The following TENM2 variants were observed in gnomAD, a reference collection of about 807,000 sequenced individuals.
TENM2 encodes teneurin-2.
In TENM2, 52 loss-of-function variants were observed where a neutral mutation model predicts 245.2. That is an observed-to-expected ratio of 0.21 (90% CI 0.17 to 0.27). The LOEUF is 0.27. Among genes scored for constraint, TENM2 ranks in the 10% least tolerant of loss-of-function variants. The pLI, the probability that TENM2 is intolerant of heterozygous loss-of-function variation, is 1.00. For missense variants in TENM2, 3,046 were observed against 3,666.8 expected (o/e 0.83, Z 4.37); for synonymous variants, 1,363 against 1,438.9 (o/e 0.95, Z 1.19).
the TENM2 span, among the ~76,000 whole-genome samples, chr5:167,106,515 C>G: frequency 6.6e-6 from 1 of 152,178 alleles, no homozygotes; most frequent in Non-Finnish European, 1.5e-5. Flanking sequence ...GATTTGGAAT[C>G]AAAAAGTTTC....
rs776119840 is a variant in TENM2 at position 168,218,298 on chromosome 5, C to T, written c.4407C>T (p.Ala1469=). Reference sequence around the variant, plus strand: ...TTGACTACTCACTCAGCAAACTAGCCATTCACTCTGCCCTGGAGTCAGCCA... The same window carrying T: ...TTGACTACTCACTCAGCAAACTAGCTATTCACTCTGCCCTGGAGTCAGCCA... Residue 1469 remains alanine (A), a synonymous_variant, in exon 23 of 29, where the codon GCC becomes GCT. Transcript: ENST00000518659. The surrounding 1 kb of genome is among the most constrained non-coding windows in gnomAD (Gnocchi z 5.2). 2 of 1,613,956 alleles carry T rather than the reference C, an allele frequency of 1.2e-6. No homozygotes were observed. Among genetic ancestry groups the T allele is most frequent in the Admixed American group, 1.7e-5 (1 of 60,006 alleles).
intron 2 of TENM2, among the ~76,000 whole-genome samples, chr5:167,795,057 A>G (rs371113507): frequency 6.6e-6 from 1 of 152,192 alleles, no homozygotes; most frequent in East Asian, 1.9e-4. Flanking sequence ...AGTGATACTA[A>G]GTAGAGCAAT....
At chr5:167,016,797 C>A in the TENM2 span, among the ~76,000 whole-genome samples, 1 of 152,074 alleles carries the variant, frequency 6.6e-6, no homozygotes, top group Non-Finnish European at 1.5e-5. Flanking sequence ...ACTTTTTAAA[C>A]AGTTAGATGA....
the TENM2 span, among the ~76,000 whole-genome samples, chr5:167,235,403 AC>A: frequency 2.0e-5 from 3 of 152,158 alleles, no homozygotes; most frequent in Non-Finnish European, 1.5e-5. Context: ...TTGTGTTCTC[AC>A]ATGCGCAGCT....
At chr5:167,979,851 ATGT>A (rs1185766242) in intron 4 of TENM2, among the ~76,000 whole-genome samples, 2 of 152,168 alleles carry the variant, frequency 1.3e-5, no homozygotes, top group South Asian at 4.1e-4. Context: ...TACGAACATG[ATGT>A]TGTTTATCGA....
rs569335361 is a variant in TENM2, at chr5:167,341,747, A to T, written c.227-33451A>T. Among the ~76,000 whole-genome samples the T allele has an allele frequency of 2.2e-4, 33 of 152,136 alleles. 1 individual carries two copies. The South Asian group carries it at 6.4e-3, about 30-fold the overall frequency. On this transcript the variant is annotated intron_variant, in intron 1 of 28. Coordinates refer to ENST00000518659, the Ensembl canonical transcript of TENM2. ...TAACAAATCGTAATCATACATAATT[A>T]TGGAGAGATCTCTCATTCTGAACTA...
At chr5:167,175,917 C>T in the TENM2 span, among the ~76,000 whole-genome samples, 17 of 152,228 alleles carry the variant, frequency 1.1e-4, no homozygotes, top group Non-Finnish European at 2.1e-4. Context: ...ACCGTATTGG[C>T]GAGGTTGGTC....
At chr5:167,099,415 G>T in the TENM2 span, among the ~76,000 whole-genome samples, 1 of 152,170 alleles carries the variant, frequency 6.6e-6, no homozygotes, top group African/African-American at 2.4e-5. Flanking sequence ...AATAAAACAG[G>T]CCGGGTGCAG....
intron 2 of TENM2, among the ~76,000 whole-genome samples, chr5:167,610,691 T>G (rs1051109990): frequency 9.9e-5 from 15 of 152,200 alleles, no homozygotes; most frequent in African/African-American, 3.4e-4. Flanking sequence ...AAAAACTTGT[T>G]AAATGTTTGA....
At chr5:167,742,863 G>T (rs940442175) in intron 2 of TENM2, among the ~76,000 whole-genome samples, 3 of 151,936 alleles carry the variant, frequency 2.0e-5, no homozygotes, top group Admixed American at 6.6e-5. Flanking sequence ...AGCTACTCAG[G>T]AGGCTAAGGC....
chr5:168,194,575 C>T (rs1761221241), intron 14 of TENM2, among the ~76,000 whole-genome samples: 3 of 152,112 alleles, frequency 2.0e-5, no homozygotes, highest in Admixed American at 2.0e-4. Flanking sequence ...TAGATATATA[C>T]ACATTTTTAT....
chr5:167,188,484 G>T, the TENM2 span, among the ~76,000 whole-genome samples: 7 of 151,996 alleles, frequency 4.6e-5, no homozygotes, highest in African/African-American at 1.7e-4. Flanking sequence ...AAATCTTAAT[G>T]ACTGCTAAAA....
intron 6 of TENM2, among the ~76,000 whole-genome samples, chr5:168,056,863 A>G (rs1789583762): frequency 6.6e-6 from 1 of 152,176 alleles, no homozygotes; most frequent in Non-Finnish European, 1.5e-5. Context: ...TACAGTATTC[A>G]ATATAGTAAC....
At chr5:167,568,997 G>A (rs1220590137) in intron 2 of TENM2, among the ~76,000 whole-genome samples, 1 of 151,028 alleles carries the variant, frequency 6.6e-6, no homozygotes, top group Non-Finnish European at 1.5e-5. Context: ...CATGGAATGG[G>A]TGGCCTGAGG....
intron 10 of TENM2, among the ~76,000 whole-genome samples, chr5:168,120,069 C>T (rs545121471): frequency 6.6e-6 from 1 of 152,298 alleles, no homozygotes; most frequent in Admixed American, 6.5e-5. Context: ...TAGATACACC[C>T]ACATAGGGTT....
intron 2 of TENM2, among the ~76,000 whole-genome samples, chr5:167,561,726 C>T (rs1244886249): frequency 6.6e-6 from 1 of 152,198 alleles, no homozygotes; most frequent in Non-Finnish European, 1.5e-5. Flanking sequence ...CACCAATTTA[C>T]ACCTCATTGT....
At chr5:167,542,778 G>T (rs534753948) in intron 2 of TENM2, among the ~76,000 whole-genome samples, 38 of 152,156 alleles carry the variant, frequency 2.5e-4, no homozygotes, top group African/African-American at 7.9e-4. Context: ...AAATTCGGAA[G>T]ATTTTATAAA....
At chr5:167,434,688 T>G (rs1302482053) in intron 2 of TENM2, among the ~76,000 whole-genome samples, 1 of 152,118 alleles carries the variant, frequency 6.6e-6, no homozygotes, top group African/African-American at 2.4e-5. Context: ...TATGTGGATT[T>G]AGTATAATGA....
chr5:167,979,024 A>G (rs1782641284), intron 4 of TENM2, among the ~76,000 whole-genome samples: 1 of 152,212 alleles, frequency 6.6e-6, no homozygotes, highest in Non-Finnish European at 1.5e-5. Context: ...AATACCCAGT[A>G]CATGTGATTT....
Sources: allele counts gnomAD v4.1 joint callset (sites outside exome capture counted in the v4.1 genomes callset), GRCh38; gene constraint gnomAD v4.1.1; non-coding constraint Gnocchi (gnomAD v3.1); transcripts MANE v1.5; gene names NCBI Gene and HGNC (gene_info 2026-07-23, HGNC 2026-07-21).